SDK1: variants seen among roughly 807,000 people sequenced by gnomAD.
SDK1 encodes sidekick cell adhesion molecule 1.
In SDK1, 157 loss-of-function variants were observed where a neutral mutation model predicts 245.5. The ratio of observed to expected loss-of-function variants is 0.64; its 90% confidence interval spans 0.56 to 0.73. The LOEUF (loss-of-function observed/expected upper bound fraction) is 0.73, where lower values mean the gene tolerates loss of function less well. Ranked by LOEUF, SDK1 falls within the 30% of genes least tolerant of loss-of-function variation. The pLI is 0.00. For missense variants in SDK1, 3,583 were observed against 3,002.3 expected (o/e 1.19, Z -4.52); for synonymous variants, 1,647 against 1,278.5 (o/e 1.29, Z -6.15).
intron 5 of SDK1, among the ~76,000 whole-genome samples, chr7:3,921,729 G>T (rs1239777842): frequency 6.6e-5 from 10 of 152,162 alleles, no homozygotes; most frequent in Admixed American, 6.5e-4. Flanking sequence ...ACTTTGGGAG[G>T]CCGAGGCAGG....
intron 1 of SDK1, among the ~76,000 whole-genome samples, chr7:3,303,780 A>G (rs1203922143): frequency 2.0e-5 from 3 of 152,188 alleles, no homozygotes; most frequent in Non-Finnish European, 4.4e-5. Flanking sequence ...GAAAATTCAT[A>G]TTACAGAGGA....
intron 1 of SDK1, among the ~76,000 whole-genome samples, chr7:3,433,310 G>A (rs983299343): frequency 2.0e-5 from 3 of 152,206 alleles, no homozygotes; most frequent in African/African-American, 7.2e-5. Context: ...ACTTCAAAAG[G>A]TGTGTGTTAG....
At chr7:3,771,304 C>G (rs959157113) in intron 4 of SDK1, among the ~76,000 whole-genome samples, 1 of 152,102 alleles carries the variant, frequency 6.6e-6, no homozygotes, top group African/African-American at 2.4e-5. Context: ...GCCATCACCT[C>G]ACTTGCGTCG....
At chr7:3,945,004 C>T (rs1024106255) in intron 5 of SDK1, among the ~76,000 whole-genome samples, 1 of 152,142 alleles carries the variant, frequency 6.6e-6, no homozygotes, top group Non-Finnish European at 1.5e-5. Context: ...ATCCCAGCTA[C>T]TCAGGAGGCT....
rs373548091 is a variant in SDK1 at position 3,749,158 on chromosome 7, A to C, written c.714-72292A>C. 1.2e-3 allele frequency among the ~76,000 whole-genome samples: 183 copies of C among 152,206 alleles called. No homozygotes were observed. In the South Asian group the frequency reaches 0.021, roughly 17 times the overall value. On this transcript the variant is annotated intron_variant, in intron 4 of 44. Coordinates refer to ENST00000404826, the MANE Select transcript of SDK1 (RefSeq NM_152744.4). ...TCACCTCTTTTTTTTTTCTTTTGAG[A>C]GGGAGTCTCGCTCTGTCACCTAGGC... is the stretch of plus-strand genomic sequence containing the variant.
chr7:4,244,291 A>G (rs1380060556), intron 43 of SDK1, among the ~76,000 whole-genome samples: 1 of 152,154 alleles, frequency 6.6e-6, no homozygotes, highest in Non-Finnish European at 1.5e-5. Context: ...TCCTCGCAGC[A>G]TGAGGGAGGG....
chr7:3,525,962 C>T (rs111809852), intron 1 of SDK1, among the ~76,000 whole-genome samples: 2 of 152,038 alleles, frequency 1.3e-5, no homozygotes, highest in Non-Finnish European at 2.9e-5. Flanking sequence ...GGCCAGGCGC[C>T]GTGGCTCACA....
rs1780196501 is a variant in SDK1 at position 3,573,865 on chromosome 7, A to C, written c.299-45215A>C. On this transcript the variant is annotated intron_variant, in intron 1 of 44. Transcript: ENST00000404826. The stretch of plus-strand genomic sequence containing the variant: ...TTTCTCCTTCCAGTACTCATTAAAA[A>C]ATAAATAAATAAACTGAATGTGTAA... Among the ~76,000 whole-genome samples, 4 of 150,958 alleles carry C rather than the reference A, an allele frequency of 2.6e-5. No individual in the cohort carries two copies. The South Asian group carries it at 8.3e-4, about 31-fold the overall frequency.
In SDK1 at chr7:3,974,351, C is replaced by T. The variant is rs369052627; in HGVS notation, c.1818-18C>T. ...CACTGTGGGGTTTGTAACTCAAGACCCTTTGCTTGGCCCACAGCTACGTTT... is the reference window on the plus strand; with the variant it reads ...CACTGTGGGGTTTGTAACTCAAGACTCTTTGCTTGGCCCACAGCTACGTTT... On this transcript the variant is annotated intron_variant, in intron 12 of 44. Transcript: ENST00000404826. 3.7e-6 allele frequency: 6 copies of T among 1,604,874 alleles called. No homozygotes were observed. Among genetic ancestry groups the T allele is most frequent in the South Asian group, 3.3e-5 (3 of 90,408 alleles).
chr7:3,416,483 G>A (rs1263064447), intron 1 of SDK1, among the ~76,000 whole-genome samples: 5 of 145,836 alleles, frequency 3.4e-5, no homozygotes, highest in Non-Finnish European at 6.0e-5. Flanking sequence ...TTTTTTTTGC[G>A]GGGGAAACAA....
At chr7:4,015,291 G>T (rs1442789342) in intron 16 of SDK1, among the ~76,000 whole-genome samples, 2 of 152,156 alleles carry the variant, frequency 1.3e-5, no homozygotes. Context: ...TCCCTGGAAT[G>T]TGCATTGTGT....
chr7:4,248,654 A>C (rs1475209792), intron 44 of SDK1, among the ~76,000 whole-genome samples: 1 of 152,094 alleles, frequency 6.6e-6, no homozygotes, highest in Non-Finnish European at 1.5e-5. Flanking sequence ...ACCTGTGCAC[A>C]TGTACAAATA....
At chr7:3,311,634 C>A (rs73286365) in intron 1 of SDK1, among the ~76,000 whole-genome samples, 1,565 of 152,294 alleles carry the variant, frequency 0.01, 32 homozygotes, top group African/African-American at 0.036. Context: ...TATCACAATT[C>A]TCTGAAGTGA....
chr7:3,513,941 T>A (rs965949141), intron 1 of SDK1, among the ~76,000 whole-genome samples: 1 of 152,210 alleles, frequency 6.6e-6, no homozygotes, highest in Non-Finnish European at 1.5e-5. Context: ...GCTGCAGCCA[T>A]CTTGCTGCAA....
intron 30 of SDK1, among the ~76,000 whole-genome samples, chr7:4,150,256 G>A (rs962743039): frequency 2.0e-5 from 3 of 152,114 alleles, no homozygotes; most frequent in Admixed American, 6.5e-5. Flanking sequence ...AGGGCCACCC[G>A]GGACACCCGC....
intron 2 of SDK1, among the ~76,000 whole-genome samples, chr7:3,620,754 A>G (rs1426670798): frequency 6.6e-6 from 1 of 152,054 alleles, no homozygotes; most frequent in Non-Finnish European, 1.5e-5. Context: ...AAAGGCATGG[A>G]CACTCCCTGG....
chr7:3,670,507 C>T (rs1488176739), intron 4 of SDK1, among the ~76,000 whole-genome samples: 1 of 152,096 alleles, frequency 6.6e-6, no homozygotes, highest in East Asian at 1.9e-4. Context: ...TCAGTGTTCT[C>T]ATCTCTGAAA....
chr7:3,675,959 AG>A (rs1412523359), intron 4 of SDK1, among the ~76,000 whole-genome samples: 3 of 152,132 alleles, frequency 2.0e-5, no homozygotes, highest in African/African-American at 7.2e-5. Flanking sequence ...TTGAATGCAT[AG>A]TTCCTGAATA....
intron 4 of SDK1, among the ~76,000 whole-genome samples, chr7:3,788,124 T>C (rs1443659587): frequency 6.6e-6 from 1 of 152,158 alleles, no homozygotes; most frequent in Non-Finnish European, 1.5e-5. Context: ...TCTGCTTCGA[T>C]TGAAGCAGGA....
Sources: allele counts gnomAD v4.1 joint callset (sites outside exome capture counted in the v4.1 genomes callset), GRCh38; gene constraint gnomAD v4.1.1; transcripts MANE v1.5; gene names NCBI Gene and HGNC (gene_info 2026-07-23, HGNC 2026-07-21).